The following SPARCL1 variants were observed in gnomAD, a reference collection of about 807,000 sequenced individuals.
SPARCL1 encodes SPARC-like protein 1.
A neutral mutation model predicts 67.1 loss-of-function variants in SPARCL1; 52 were observed. The ratio of observed to expected loss-of-function variants is 0.78; its 90% confidence interval spans 0.62 to 0.98. The LOEUF is 0.98. Among genes scored for constraint, SPARCL1 ranks in the 50% least tolerant of loss-of-function variants. The pLI, the probability that SPARCL1 is intolerant of heterozygous loss-of-function variation, is 0.00. For synonymous variants in SPARCL1, 226 were observed against 267.8 expected (o/e 0.84, Z 1.52); for missense variants, 717 against 782.4 (o/e 0.92, Z 1.00).
intron 1 of SPARCL1, among the ~76,000 whole-genome samples, chr4:87,523,122 G>A (rs1488169555): frequency 7.9e-5 from 12 of 152,066 alleles, no homozygotes; most frequent in South Asian, 2.1e-4. Flanking sequence ...TTAGCCAGGC[G>A]TGGTGGTGCA....
chr4:87,510,704 C>T (rs908985057), intron 1 of SPARCL1, among the ~76,000 whole-genome samples: 53 of 152,228 alleles, frequency 3.5e-4, no homozygotes, highest in African/African-American at 1.2e-3. Context: ...TCCTCTTGGG[C>T]ACTGGACAAG....
Position 87,493,627 on chromosome 4 carries a change from A to AAG in SPARCL1, c.1172_1173insCT (p.Glu392LeufsTer6), listed in dbSNP as rs1724449932. 1.2e-6 allele frequency: 2 copies of AAG among 1,613,432 alleles called. No individual in the cohort carries two copies. Among genetic ancestry groups the AAG allele is most frequent in the African/African-American group, 2.7e-5 (2 of 74,852 alleles). ...CAGTGGTACCTATATTTTCATTTTCATGTACTTTTTCTCTTTGCTCCTCAA... is the reference window on the plus strand; with the variant it reads ...CAGTGGTACCTATATTTTCATTTTCAAGTGTACTTTTTCTCTTTGCTCCTCAA... On this transcript the variant is annotated frameshift_variant, in exon 4 of 11. Transcript: ENST00000282470. LOFTEE classifies it high-confidence loss of function.
At chr4:87,475,311 G>T (rs911159417) in intron 10 of SPARCL1, among the ~76,000 whole-genome samples, 4 of 152,028 alleles carry the variant, frequency 2.6e-5, no homozygotes, top group African/African-American at 9.7e-5. Flanking sequence ...CATCTCAGTC[G>T]CATTTGGCAC....
rs376198543 is a variant in SPARCL1 at position 87,479,591 on chromosome 4, A to G, written c.1818-13T>C. 38 of 1,612,076 alleles carry G rather than the reference A, an allele frequency of 2.4e-5. No homozygotes were observed. Among genetic ancestry groups the G allele is most frequent in the Middle Eastern group, 3.3e-4 (2 of 6,058 alleles). On this transcript the variant is annotated splice_polypyrimidine_tract_variant and intron_variant, in intron 9 of 10. Coordinates refer to ENST00000282470, the MANE Select transcript of SPARCL1 (RefSeq NM_004684.6). ...ATGTGTCAAGACTCTGCAATGAAATACATGGCATCCTATTAATTGAGTAGC... is the reference window on the plus strand; with the variant it reads ...ATGTGTCAAGACTCTGCAATGAAATGCATGGCATCCTATTAATTGAGTAGC...
chr4:87,521,896 C>T (rs1725833269), intron 1 of SPARCL1, among the ~76,000 whole-genome samples: 1 of 152,162 alleles, frequency 6.6e-6, no homozygotes, highest in South Asian at 2.1e-4. Flanking sequence ...ATTATTACAA[C>T]TATGGAAAAA....
Position 87,494,363 on chromosome 4 carries a change from C to G in SPARCL1, c.437G>C (p.Ser146Thr). The change falls in exon 4 of 11, where the codon AGT becomes ACT. Residue 146 changes from serine to threonine, a missense_variant. Ser to Thr is a moderately conservative substitution (Grantham distance 58). Transcript: ENST00000282470. ...ENTDFLAPGV[S>T]SFTDSNQQES... is the part of the protein sequence containing the mutation. ...TTGTTGGTTAGAATCTGTGAAGGAA[C>G]TAACACCAGGAGCCAAAAAATCAGT... The G allele has an allele frequency of 6.2e-7, 1 of 1,614,210 alleles. No individual in the cohort carries two copies. Among genetic ancestry groups the G allele is most frequent in the Non-Finnish European group, 8.5e-7 (1 of 1,180,048 alleles).
At chr4:87,528,713 G>T (rs568932662) in intron 1 of SPARCL1, 18 of 152,094 alleles carry the variant, frequency 1.2e-4, no homozygotes, top group African/African-American at 4.1e-4. Flanking sequence ...ATGTAATAAA[G>T]TACTTCTACA....
At chr4:87,520,856 A>G (rs1230686628) in intron 1 of SPARCL1, among the ~76,000 whole-genome samples, 1 of 152,194 alleles carries the variant, frequency 6.6e-6, no homozygotes, top group Non-Finnish European at 1.5e-5. Flanking sequence ...TGTGTCAGCT[A>G]CCCCCATCTC....
chr4:87,503,631 G>A (rs1218144700), intron 1 of SPARCL1, among the ~76,000 whole-genome samples: 3 of 148,810 alleles, frequency 2.0e-5, no homozygotes, highest in African/African-American at 4.9e-5. Context: ...GAATTCCTGT[G>A]GGTCTTTGTG....
chr4:87,526,847 A>G (rs1726065349), intron 1 of SPARCL1, among the ~76,000 whole-genome samples: 1 of 152,224 alleles, frequency 6.6e-6, no homozygotes, highest in Non-Finnish European at 1.5e-5. Flanking sequence ...GCTTTAATGT[A>G]CCAAACATGG....
intron 1 of SPARCL1, among the ~76,000 whole-genome samples, chr4:87,507,348 G>T (rs1046861234): frequency 1.1e-4 from 17 of 151,448 alleles, no homozygotes; most frequent in African/African-American, 3.9e-4. Flanking sequence ...CTGTCCGCAT[G>T]ATCTCACATG....
At chr4:87,516,869 T>G (rs946441625) in intron 1 of SPARCL1, among the ~76,000 whole-genome samples, 4 of 152,178 alleles carry the variant, frequency 2.6e-5, no homozygotes, top group African/African-American at 9.6e-5. Flanking sequence ...CTCTTAATCA[T>G]GCCTTTCAGA....
At chr4:87,516,579 C>T (rs1725592130) in intron 1 of SPARCL1, among the ~76,000 whole-genome samples, 2 of 152,158 alleles carry the variant, frequency 1.3e-5, no homozygotes, top group Admixed American at 1.3e-4. Context: ...CCATCTGTGA[C>T]CCTCACCTCC....
Position 87,480,423 on chromosome 4 carries a change from A to G in SPARCL1, c.1766T>C (p.Val589Ala). 1 of 1,613,398 alleles carries G rather than the reference A, an allele frequency of 6.2e-7. No individual in the cohort carries two copies. The highest frequency in any genetic ancestry group is 8.5e-7 in the Non-Finnish European group (1 of 1,179,652). The change falls in exon 9 of 11, where the codon GTG becomes GCG. Residue 589 changes from valine to alanine, a missense_variant. Val to Ala is a moderately conservative substitution (Grantham distance 64). Transcript: ENST00000282470. ...RDFKKNYHMYVYPVHWQFSEL... is the reference protein window; with the variant it reads ...RDFKKNYHMYAYPVHWQFSEL... ...ACTAAACTGCCAGTGCACAGGATACACATACATGTGGTAGTTTTTCTTAAA... is the reference window on the plus strand; with the variant it reads ...ACTAAACTGCCAGTGCACAGGATACGCATACATGTGGTAGTTTTTCTTAAA...
intron 9 of SPARCL1, 77 bp from the exon 10 acceptor site, chr4:87,479,655 A>C: frequency 3.5e-6 from 5 of 1,423,026 alleles, no homozygotes; most frequent in Non-Finnish European, 4.9e-6. Flanking sequence ...CACCAAGGAC[A>C]TTTTTCTCCC....
chr4:87,510,763 C>T (rs1244904403), intron 1 of SPARCL1, among the ~76,000 whole-genome samples: 1 of 152,232 alleles, frequency 6.6e-6, no homozygotes, highest in Non-Finnish European at 1.5e-5. Flanking sequence ...TCGCACTGGC[C>T]CTTTGCCCTT....
chr4:87,497,515 C>T (rs1421291517), intron 2 of SPARCL1, among the ~76,000 whole-genome samples: 1 of 152,196 alleles, frequency 6.6e-6, no homozygotes, highest in Non-Finnish European at 1.5e-5. Flanking sequence ...TCACTATGGG[C>T]ATATTTCTAT....
intron 1 of SPARCL1, among the ~76,000 whole-genome samples, chr4:87,516,220 T>C (rs1043711846): frequency 6.6e-6 from 1 of 152,184 alleles, no homozygotes; most frequent in African/African-American, 2.4e-5. Context: ...AGAGATCCTG[T>C]GCCACTCCAG....
intron 1 of SPARCL1, among the ~76,000 whole-genome samples, chr4:87,501,965 A>C (rs1168700495): frequency 7.4e-6 from 1 of 135,178 alleles, no homozygotes. Context: ...CATCTCTCCT[A>C]TTGATTTTTT....
Sources: gnomAD v4.1 joint callset for allele counts (sites outside exome capture counted in the v4.1 genomes callset) on GRCh38, gnomAD v4.1.1 for gene constraint, MANE v1.5 for transcripts, NCBI Gene and HGNC (gene_info 2026-07-23, HGNC 2026-07-21) for gene names.